The following ZNF560 variants were observed in gnomAD, a reference collection of about 807,000 sequenced individuals.
ZNF560 encodes zinc finger protein 560.
A neutral mutation model predicts 81.8 loss-of-function variants in ZNF560; 54 were observed. The observed-to-expected ratio is 0.66, with a 90% CI of 0.53 to 0.83. ZNF560 has a LOEUF of 0.83. Ranked by LOEUF, ZNF560 falls within the 40% of genes least tolerant of loss-of-function variation. The probability of loss-of-function intolerance (pLI) is 0.00; values close to 1 mark genes in which losing one functional copy is unlikely to be tolerated. For missense variants in ZNF560, 940 were observed against 932.4 expected, an observed-to-expected ratio of 1.01 and a Z score of -0.11; for synonymous variants, 321 against 317.9, an observed-to-expected ratio of 1.01 and a Z score of -0.10.
At chr19:9,462,529 A>G (rs1465525178), downstream of ZNF560, among the ~76,000 whole-genome samples, 1 of 152,070 alleles carries the variant, frequency 6.6e-6, no homozygotes, top group African/African-American at 2.4e-5. Flanking sequence ...TTTGCACTCT[A>G]TTTCTGTCTA....
intron 2 of ZNF560, among the ~76,000 whole-genome samples, chr19:9,492,002 G>T (rs1012648771): frequency 0.014 from 2 of 144 alleles, no homozygotes; most frequent in Non-Finnish European, 0.048. Flanking sequence ...TTGGGGGGGG[G>T]ACAGGTCTCA....
intron 2 of ZNF560, among the ~76,000 whole-genome samples, chr19:9,482,667 AC>A (rs1017431372): frequency 1.1e-4 from 3 of 26,578 alleles, no homozygotes; most frequent in Non-Finnish European, 2.5e-4. Flanking sequence ...CCCTCTCCCC[AC>A]GGTCTCCCTC....
intron 2 of ZNF560, among the ~76,000 whole-genome samples, chr19:9,478,720 T>A (rs995262367): frequency 2.0e-5 from 3 of 152,194 alleles, no homozygotes; most frequent in African/African-American, 4.8e-5. Context: ...TGCTATAAGA[T>A]GTTTCATATA....
the ZNF560 span, among the ~76,000 whole-genome samples, chr19:9,504,355 A>C: frequency 7.2e-5 from 11 of 152,144 alleles, no homozygotes; most frequent in African/African-American, 2.7e-4. Context: ...GAGTCACTTA[A>C]ACCTGGGAGA....
At chr19:9,449,955 CAA>C in the ZNF560 span, among the ~76,000 whole-genome samples, 2 of 78,922 alleles carry the variant, frequency 2.5e-5, no homozygotes, top group Non-Finnish European at 4.5e-5. Context: ...GCTTGGACAA[CAA>C]GAGCAAAACT....
intron 2 of ZNF560, 27 bp from the exon 3 acceptor site, chr19:9,475,396 C>G (rs2073184874): frequency 8.0e-6 from 11 of 1,371,808 alleles, no homozygotes; most frequent in Non-Finnish European, 1.1e-5. Context: ...GCATAAGAGC[C>G]CAGACATAAT....
At chr19:9,470,953 C>T (rs1280987991) in intron 6 of ZNF560, among the ~76,000 whole-genome samples, 1 of 152,152 alleles carries the variant, frequency 6.6e-6, no homozygotes, top group East Asian at 1.9e-4. Context: ...TACAAAAATA[C>T]TGAGATAATT....
chr19:9,484,877 C>G (rs2073361076), intron 2 of ZNF560, among the ~76,000 whole-genome samples: 6 of 148,828 alleles, frequency 4.0e-5, no homozygotes, highest in Admixed American at 4.0e-4. Flanking sequence ...AAAAAGAACA[C>G]TCAAATAAAA....
intron 4 of ZNF560, 43 bp downstream of exon 4, chr19:9,474,155 AT>A (rs1568455828): frequency 6.2e-7 from 1 of 1,611,226 alleles, no homozygotes. Flanking sequence ...TACACAATGT[AT>A]ATCTCTTCCC....
chr19:9,478,913 C>A (rs1240879172), intron 2 of ZNF560, among the ~76,000 whole-genome samples: 2 of 152,064 alleles, frequency 1.3e-5, no homozygotes, highest in Admixed American at 1.3e-4. Flanking sequence ...GCCACTAATC[C>A]CTGCACTTTG....
intron 2 of ZNF560, among the ~76,000 whole-genome samples, chr19:9,495,682 G>A (rs926566507): frequency 7.9e-5 from 12 of 152,170 alleles, no homozygotes; most frequent in African/African-American, 2.9e-4. Flanking sequence ...ACTCCAGCCT[G>A]GGCAACAGAG....
upstream of ZNF560, among the ~76,000 whole-genome samples, chr19:9,503,335 T>TTTG (rs766859101): frequency 3.3e-5 from 5 of 152,284 alleles, no homozygotes; most frequent in East Asian, 9.6e-4. Flanking sequence ...GTAATTTGTT[T>TTTG]TTGTTGTTGT....
chr19:9,472,734 T>C (rs1345904123), intron 5 of ZNF560, among the ~76,000 whole-genome samples: 1 of 152,168 alleles, frequency 6.6e-6, no homozygotes. Context: ...CCTTATATAT[T>C]ACAATGTAAT....
At chr19:9,489,881 C>T (rs562725690) in intron 2 of ZNF560, among the ~76,000 whole-genome samples, 18 of 152,306 alleles carry the variant, frequency 1.2e-4, no homozygotes, top group Admixed American at 2.0e-4. Flanking sequence ...TGAGCCACTG[C>T]ACCCGGCCAG....
chr19:9,475,578 A>G (rs1160324921), intron 2 of ZNF560, among the ~76,000 whole-genome samples: 7 of 151,948 alleles, frequency 4.6e-5, no homozygotes, highest in South Asian at 2.1e-4. Context: ...AAGTAAAAGT[A>G]TAATATCCTC....
the ZNF560 span, among the ~76,000 whole-genome samples, chr19:9,452,144 T>A: frequency 6.6e-6 from 1 of 151,448 alleles, no homozygotes; most frequent in Non-Finnish European, 1.5e-5. Context: ...AAGACATACA[T>A]GCAGCCAATA....
downstream of ZNF560, among the ~76,000 whole-genome samples, chr19:9,462,407 A>C (rs908789079): frequency 1.3e-5 from 2 of 152,250 alleles, no homozygotes; most frequent in Admixed American, 1.3e-4. Context: ...GAATACTTTC[A>C]GTTAATCTAC....
intron 2 of ZNF560, among the ~76,000 whole-genome samples, chr19:9,489,685 G>T (rs2073441366): frequency 6.6e-6 from 1 of 152,126 alleles, no homozygotes; most frequent in Non-Finnish European, 1.5e-5. Context: ...CGCCTCCTAG[G>T]TTCACACCAT....
chr19:9,466,885 C>G lies in ZNF560; in HGVS notation c.2062G>C (p.Ala688Pro). ...HAAEKTSECN[A>P]CGNSFRNSMC... ...GAATTTCGAAAGGAATTTCCACATG[C>G]GTTACATTCAGAGGTCTTCTCTGCT... Residue 688 changes from alanine (A) to proline (P), a missense_variant, in exon 10 of 10, where the codon GCA becomes CCA. Ala to Pro is a conservative substitution (Grantham distance 27, BLOSUM62 -1). Coordinates refer to ENST00000301480, the MANE Select transcript of ZNF560 (RefSeq NM_152476.3). 1.9e-6 allele frequency: 3 copies of G among 1,613,888 alleles called. No individual in the cohort carries two copies. The highest frequency in any genetic ancestry group is 1.1e-5 in the South Asian group (1 of 91,076).
Sources: gnomAD v4.1 joint callset for allele counts (sites outside exome capture counted in the v4.1 genomes callset) on GRCh38, gnomAD v4.1.1 for gene constraint, MANE v1.5 for transcripts, NCBI Gene and HGNC (gene_info 2026-07-23, HGNC 2026-07-21) for gene names.